NUP210L: variants seen among roughly 807,000 people sequenced by gnomAD.
The protein encoded by NUP210L is nuclear pore membrane glycoprotein 210-like.
NUP210L carries 74 observed loss-of-function variants against 208.5 expected under a neutral mutation model. The ratio of observed to expected loss-of-function variants is 0.35; its 90% CI spans 0.29 to 0.43. The LOEUF (loss-of-function observed/expected upper bound fraction) is 0.43. Ranked by LOEUF, NUP210L falls within the 20% of genes least tolerant of loss-of-function variation. The pLI is 1.00. For missense variants in NUP210L, 1,843 were observed against 2,289.4 expected (o/e 0.81, Z 3.98); for synonymous variants, 780 against 816.9 (o/e 0.95, Z 0.77).
chr1:153,995,792 A>C, intron 37 of NUP210L: 1 of 652,360 alleles, frequency 1.5e-6, no homozygotes, highest in Non-Finnish European at 2.9e-6. Flanking sequence ...GGCAGACTTC[A>C]AGGGATTCGT....
intron 16 of NUP210L, among the ~76,000 whole-genome samples, chr1:154,070,920 T>G (rs12090482): frequency 1.1e-3 from 174 of 152,264 alleles, no homozygotes; most frequent in African/African-American, 4.0e-3. Context: ...TTTTTATACG[T>G]TTTTTAGTTT....
intron 12 of NUP210L, among the ~76,000 whole-genome samples, chr1:154,112,326 A>G (rs188935357): frequency 6.6e-6 from 1 of 152,212 alleles, no homozygotes; most frequent in Non-Finnish European, 1.5e-5. Flanking sequence ...GGATTGCTTG[A>G]GCCCCGGAGG....
chr1:154,011,687 T>A (rs1650931741), intron 34 of NUP210L, among the ~76,000 whole-genome samples: 1 of 132,572 alleles, frequency 7.5e-6, no homozygotes. Flanking sequence ...AAGTTTTTTT[T>A]TTTTTTTTTT....
intron 31 of NUP210L, 105 bp downstream of exon 31, chr1:154,023,017 C>T: frequency 8.0e-7 from 1 of 1,243,886 alleles, no homozygotes; most frequent in South Asian, 1.4e-5. Context: ...AGATCAACTT[C>T]CAAATTCAGA....
chr1:154,027,410 TCTC>T (rs1651953979), intron 29 of NUP210L, 93 bp downstream of exon 29: 2 of 826,584 alleles, frequency 2.4e-6, no homozygotes, highest in South Asian at 1.7e-5. Context: ...TTGGGAAAAA[TCTC>T]CTAGAAGGCA....
At chr1:154,132,406 CCA>C (rs1269203704) in intron 7 of NUP210L, among the ~76,000 whole-genome samples, 3 of 152,044 alleles carry the variant, frequency 2.0e-5, no homozygotes, top group Non-Finnish European at 4.4e-5. Context: ...GATATCTATC[CCA>C]CAGTTTTGAT....
At chr1:154,152,104 A>AAAGAAAGAAAG (rs371576390) in intron 2 of NUP210L, among the ~76,000 whole-genome samples, 7 of 119,888 alleles carry the variant, frequency 5.8e-5, no homozygotes, top group Non-Finnish European at 1.1e-4. Flanking sequence ...AAAAAAAAAA[A>AAAGAAAGAAAG]AAAGAAAGAA....
At position 154,025,725 on chromosome 1, in the gene NUP210L, C is replaced by G. The variant is rs769716039; in HGVS notation, c.3948-9G>C. 1 of 1,608,272 alleles carries G rather than the reference C, an allele frequency of 6.2e-7. No individual in the cohort carries two copies. Among genetic ancestry groups the G allele is most frequent in the Non-Finnish European group, 8.5e-7 (1 of 1,176,620 alleles). ...CGAAGGCAGCTCCTTCCCTAGGGAA[C>G]AAGGAAAGGAAGTGGCATCTTTTTG... On this transcript the variant is annotated splice_polypyrimidine_tract_variant and intron_variant, in intron 29 of 39. Transcript: ENST00000368559.
chr1:153,993,164 G>T, intron 38 of NUP210L, 75 bp from the exon 39 acceptor site: 1 of 903,224 alleles, frequency 1.1e-6, no homozygotes, highest in Non-Finnish European at 1.7e-6. Flanking sequence ...TCTAGAATGA[G>T]AATATTGCTA....
At chr1:154,033,575 CTGGGTTCTCTATTCTGTTCCAT>C (rs1431370673) in intron 27 of NUP210L, among the ~76,000 whole-genome samples, 1 of 152,094 alleles carries the variant, frequency 6.6e-6, no homozygotes, top group Admixed American at 6.6e-5. Context: ...GAATTTGTTT[CTGGGTTCTCTATTCTGTTCCAT>C]TGGTCTATAT....
At chr1:154,052,747 T>C (rs1653588120) in intron 25 of NUP210L, among the ~76,000 whole-genome samples, 1 of 152,220 alleles carries the variant, frequency 6.6e-6, no homozygotes, top group African/African-American at 2.4e-5. Flanking sequence ...GTAAACAGAA[T>C]TGAATCTGGC....
In NUP210L at chr1:154,125,525, GGTGGGAGGATTGCT is replaced by G. The variant is rs1415394159; in HGVS notation, c.1326+784_1326+797del. Among the ~76,000 whole-genome samples, 3 of 150,418 alleles carry G rather than the reference GGTGGGAGGATTGCT, an allele frequency of 2.0e-5. No homozygotes were observed. The East Asian group carries it at 5.9e-4, about 30-fold the overall frequency. On this transcript the variant is annotated intron_variant, in intron 10 of 39. Coordinates refer to ENST00000368559, the Ensembl canonical transcript of NUP210L. ...CAGTCCCAGCTACTTGGGGGGCTAA[GGTGGGAGGATTGCT>G]TGAGCCTGGGAGGTCCAGGCTGCAG...
Position 154,005,186 on chromosome 1 carries a change from C to A in NUP210L, c.4931-3201G>T, listed in dbSNP as rs974900992. ...TTTTTCTTATCCATTCTACATACTGCCACTAAATCCTTAAAAACTGCCTTC... is the reference window on the plus strand; with the variant it reads ...TTTTTCTTATCCATTCTACATACTGACACTAAATCCTTAAAAACTGCCTTC... On this transcript the variant is annotated intron_variant, in intron 35 of 39. Transcript: ENST00000368559. Among the ~76,000 whole-genome samples the A allele has an allele frequency of 2.0e-5, 3 of 151,534 alleles. No homozygotes were observed. In the Admixed American group the frequency reaches 2.0e-4, roughly 10 times the overall value.
chr1:154,024,921 T>C (rs1252138060), intron 30 of NUP210L, among the ~76,000 whole-genome samples: 8 of 111,836 alleles, frequency 7.2e-5, no homozygotes, highest in Non-Finnish European at 1.4e-4. Flanking sequence ...TAGGCTGATC[T>C]GTTTTTTTTT....
intron 16 of NUP210L, among the ~76,000 whole-genome samples, chr1:154,087,743 A>G (rs2148041908): frequency 6.6e-6 from 1 of 152,348 alleles, no homozygotes; most frequent in East Asian, 1.9e-4. Context: ...ACACAATGGA[A>G]TATTACTTAG....
Position 154,058,199 on chromosome 1 carries a change from A to T in NUP210L, c.2997T>A (p.Thr999=), listed in dbSNP as rs746512789. ...CAAGAACCCTCACAGTCACTAACACAGTTTTGTCTATTTCAACCTAGTAGT... is the reference window on the plus strand; with the variant it reads ...CAAGAACCCTCACAGTCACTAACACTGTTTTGTCTATTTCAACCTAGTAGT... Residue 999 remains threonine (T), a synonymous_variant, in exon 22 of 40, where the codon ACT becomes ACA. Transcript: ENST00000368559. The T allele has an allele frequency of 4.3e-5, 70 of 1,613,936 alleles. 1 individual carries two copies. The South Asian group carries it at 7.4e-4, about 17-fold the overall frequency.
intron 27 of NUP210L, among the ~76,000 whole-genome samples, chr1:154,035,119 C>T (rs1185145826): frequency 2.0e-5 from 3 of 152,026 alleles, no homozygotes; most frequent in South Asian, 2.1e-4. Flanking sequence ...GGATTACAGG[C>T]GTGAGCCACC....
chr1:154,079,186 G>C (rs190391338), intron 16 of NUP210L, among the ~76,000 whole-genome samples: 2 of 152,098 alleles, frequency 1.3e-5, no homozygotes, highest in Non-Finnish European at 2.9e-5. Context: ...TTGAGCCGAA[G>C]AGTTCAAGGC....
At chr1:154,137,517 C>T (rs1184496148) in intron 6 of NUP210L, among the ~76,000 whole-genome samples, 1 of 150,284 alleles carries the variant, frequency 6.7e-6, no homozygotes, top group East Asian at 2.0e-4. Flanking sequence ...TGCCACTGCA[C>T]TCCAGCCTGG....
Sources: gnomAD v4.1 joint callset for allele counts (sites outside exome capture counted in the v4.1 genomes callset) on GRCh38, gnomAD v4.1.1 for gene constraint, MANE v1.5 for transcripts, NCBI Gene and HGNC (gene_info 2026-07-23, HGNC 2026-07-21) for gene names.